Variants in PARD3B observed in about 807,000 individuals in gnomAD.
PARD3B encodes the protein par-3 family cell polarity regulator beta.
Under a neutral mutation model 130.2 loss-of-function variants are expected in PARD3B, and 103 were observed. The observed-to-expected ratio is 0.79, with a 90% CI of 0.67 to 0.93. PARD3B has a LOEUF of 0.93. Ranked by LOEUF, PARD3B falls within the 40% of genes least tolerant of loss-of-function variation. PARD3B has a pLI of 0.00. For missense variants in PARD3B, 1,609 were observed against 1,499.2 expected (o/e 1.07, Z -1.21); for synonymous variants, 583 against 553.2 (o/e 1.05, Z -0.76).
At chr2:204,641,942 A>G (rs1049058148) in intron 1 of PARD3B, among the ~76,000 whole-genome samples, 1 of 152,204 alleles carries the variant, frequency 6.6e-6, no homozygotes, top group Non-Finnish European at 1.5e-5. Flanking sequence ...AATATTAAAA[A>G]AGCCTTATGT....
At chr2:204,751,294 T>C (rs2040456640) in intron 2 of PARD3B, among the ~76,000 whole-genome samples, 1 of 152,186 alleles carries the variant, frequency 6.6e-6, no homozygotes, top group Non-Finnish European at 1.5e-5. Context: ...ATATAAAATT[T>C]GGGAGGTTTC....
At chr2:205,505,855 A>G (rs1030124807) in intron 21 of PARD3B, among the ~76,000 whole-genome samples, 1 of 152,218 alleles carries the variant, frequency 6.6e-6, no homozygotes, top group Non-Finnish European at 1.5e-5. Context: ...GAATAGCAGT[A>G]TCATTATCCC....
intron 18 of PARD3B, among the ~76,000 whole-genome samples, chr2:205,340,868 G>A (rs2043499823): frequency 6.6e-6 from 1 of 151,974 alleles, no homozygotes; most frequent in Non-Finnish European, 1.5e-5. Flanking sequence ...CTAATATCCG[G>A]AACACCTAAG....
chr2:205,557,577 C>A (rs1483278529), intron 22 of PARD3B, among the ~76,000 whole-genome samples: 1 of 152,162 alleles, frequency 6.6e-6, no homozygotes, highest in African/African-American at 2.4e-5. Context: ...ACCTGTGTGG[C>A]CTTGGGCAGT....
intron 20 of PARD3B, among the ~76,000 whole-genome samples, chr2:205,493,370 C>T (rs2049795705): frequency 6.6e-6 from 1 of 152,212 alleles, no homozygotes; most frequent in East Asian, 1.9e-4. Flanking sequence ...AGTATCTTGG[C>T]GTTCTTAAAG....
chr2:205,330,856 T>G (rs2043098131), intron 18 of PARD3B, among the ~76,000 whole-genome samples: 3 of 152,216 alleles, frequency 2.0e-5, no homozygotes, highest in African/African-American at 7.2e-5. Context: ...GGTGTTAATT[T>G]CTAAACTATA....
At chr2:205,555,717 G>C (rs2106504852) in intron 22 of PARD3B, among the ~76,000 whole-genome samples, 1 of 152,314 alleles carries the variant, frequency 6.6e-6, no homozygotes, top group East Asian at 1.9e-4. Flanking sequence ...AGAGCAATTA[G>C]TTGCATGTGC....
At chr2:205,076,704 C>T (rs183074817) in intron 4 of PARD3B, among the ~76,000 whole-genome samples, 6 of 152,190 alleles carry the variant, frequency 3.9e-5, no homozygotes, top group East Asian at 3.9e-4. Flanking sequence ...CTAGGTTGTA[C>T]GCTCCTTACG....
At chr2:205,071,262 A>G (rs989166021) in intron 4 of PARD3B, among the ~76,000 whole-genome samples, 17 of 152,084 alleles carry the variant, frequency 1.1e-4, no homozygotes, top group African/African-American at 4.1e-4. Context: ...TCCTTCCTTT[A>G]TGGAACAGCA....
intron 1 of PARD3B, among the ~76,000 whole-genome samples, chr2:204,626,042 CATCA>C (rs2034475606): frequency 6.6e-6 from 1 of 152,098 alleles, no homozygotes; most frequent in Non-Finnish European, 1.5e-5. Context: ...CATAAAGACT[CATCA>C]GTCATTTTTT....
intron 16 of PARD3B, among the ~76,000 whole-genome samples, chr2:205,266,613 T>C (rs1162446499): frequency 1.3e-5 from 2 of 152,146 alleles, no homozygotes; most frequent in East Asian, 3.8e-4. Flanking sequence ...TGTTTGTTGC[T>C]ATTTTCTGTT....
chr2:204,584,606 A>G (rs950847938), intron 1 of PARD3B, among the ~76,000 whole-genome samples: 7 of 152,190 alleles, frequency 4.6e-5, no homozygotes, highest in African/African-American at 1.7e-4. Context: ...TTTTAAAAAC[A>G]TAATGATGTC....
rs77954363 is a variant in PARD3B, at chr2:205,474,979, G to C, written c.3045-24917G>C. 1.5e-3 allele frequency among the ~76,000 whole-genome samples: 223 copies of C among 152,252 alleles called. 5 individuals carry two copies. The East Asian group carries it at 0.036, about 24-fold the overall frequency. ...CGCCTCAGCCGTGAGTCATTACCAG[G>C]AGGAATAGTTTTTTGAATCAACTTC... On this transcript the variant is annotated intron_variant, in intron 20 of 22. Coordinates refer to ENST00000406610, the MANE Select transcript of PARD3B (RefSeq NM_001302769.2).
chr2:204,695,996 A>C (rs1199969027), intron 2 of PARD3B, among the ~76,000 whole-genome samples: 1 of 152,084 alleles, frequency 6.6e-6, no homozygotes, highest in Non-Finnish European at 1.5e-5. Context: ...TGAAAACTAA[A>C]GTACAAGGAT....
At chr2:204,917,831 T>C (rs544675247) in intron 2 of PARD3B, among the ~76,000 whole-genome samples, 92 of 152,326 alleles carry the variant, frequency 6.0e-4, no homozygotes, top group African/African-American at 2.1e-3. Flanking sequence ...TATTTCTGGC[T>C]ACTGATTAAT....
In PARD3B at chr2:204,976,810, G is replaced by A. The variant is rs1692212958; in HGVS notation, c.394+11487G>A. 2.6e-5 allele frequency among the ~76,000 whole-genome samples: 4 copies of A among 151,796 alleles called. No individual in the cohort carries two copies. In the South Asian group the frequency reaches 8.3e-4, roughly 32 times the overall value. On this transcript the variant is annotated intron_variant, in intron 3 of 22. Coordinates refer to ENST00000406610, the MANE Select transcript of PARD3B (RefSeq NM_001302769.2). ...TTTTTAGTAGAGACGGGGTTTCACC[G>A]TGTTGGTCAGGCTGGTCTCGAACTC...
At chr2:205,547,957 G>C (rs1370192435) in intron 21 of PARD3B, among the ~76,000 whole-genome samples, 1 of 152,140 alleles carries the variant, frequency 6.6e-6, no homozygotes, top group South Asian at 2.1e-4. Flanking sequence ...TGGATGAAGT[G>C]CACTAACACA....
At position 205,029,917 on chromosome 2, in the gene PARD3B, C is replaced by T. The variant is rs192215407; in HGVS notation, c.395-17664C>T. Reference sequence around the variant, plus strand: ...CCCAAACCAATAGGGAGTTGCAAACCTGCTATGGAGCATCCTCCAGGAAAG... The same window carrying T: ...CCCAAACCAATAGGGAGTTGCAAACTTGCTATGGAGCATCCTCCAGGAAAG... On this transcript the variant is annotated intron_variant, in intron 3 of 22. Transcript: ENST00000406610. 6.0e-4 allele frequency among the ~76,000 whole-genome samples: 91 copies of T among 152,256 alleles called. 1 individual carries two copies. Among genetic ancestry groups the T allele is most frequent in the African/African-American group, 2.1e-3 (87 of 41,558 alleles).
intron 18 of PARD3B, among the ~76,000 whole-genome samples, chr2:205,334,317 A>G (rs1004345876): frequency 2.0e-5 from 3 of 152,214 alleles, no homozygotes; most frequent in African/African-American, 4.8e-5. Context: ...TACTTTGTAG[A>G]TTTTAATTTT....
Sources: gnomAD v4.1 joint callset for allele counts (sites outside exome capture counted in the v4.1 genomes callset) on GRCh38, gnomAD v4.1.1 for gene constraint, MANE v1.5 for transcripts, NCBI Gene and HGNC (gene_info 2026-07-23, HGNC 2026-07-21) for gene names.